SFI1: variants seen among roughly 807,000 people sequenced by gnomAD.
SFI1 encodes protein SFI1 homolog.
SFI1 carries 195 observed loss-of-function variants against 207.5 expected under a neutral mutation model. The observed-to-expected ratio is 0.94, with a 90% CI of 0.84 to 1.06. The LOEUF (loss-of-function observed/expected upper bound fraction) is 1.06. Ranked by LOEUF, SFI1 falls within the 50% of genes least tolerant of loss-of-function variation. The pLI is 0.00. For synonymous variants in SFI1, 630 were observed against 598.9 expected (o/e 1.05, Z -0.76); for missense variants, 1,634 against 1,588.0 (o/e 1.03, Z -0.49).
At chr22:31,507,154 A>T (rs895995096) in intron 1 of SFI1, among the ~76,000 whole-genome samples, 1 of 152,230 alleles carries the variant, frequency 6.6e-6, no homozygotes, top group Non-Finnish European at 1.5e-5. Flanking sequence ...GCACAAAAAC[A>T]GAAACATAGA....
intron 7 of SFI1, among the ~76,000 whole-genome samples, chr22:31,557,770 T>A (rs1008691687): frequency 2.0e-5 from 3 of 152,180 alleles, no homozygotes; most frequent in Admixed American, 2.0e-4. Flanking sequence ...CAGGTTGTAA[T>A]TGGCAAAACT....
intron 4 of SFI1, among the ~76,000 whole-genome samples, chr22:31,535,397 T>G (rs964895741): frequency 2.0e-5 from 3 of 151,556 alleles, no homozygotes; most frequent in Admixed American, 2.0e-4. Flanking sequence ...ACCATGTTGA[T>G]CAGGCTGGTC....
chr22:31,506,366 AAAAAG>A (rs1236615953), intron 1 of SFI1, among the ~76,000 whole-genome samples: 10 of 152,132 alleles, frequency 6.6e-5, no homozygotes, highest in East Asian at 3.9e-4. Context: ...TGTCTTTAAA[AAAAAG>A]AAAAGAAAGA....
chr22:31,543,809 C>CA (rs59076091), intron 4 of SFI1, among the ~76,000 whole-genome samples: 1,670 of 56,210 alleles, frequency 0.03, 36 homozygotes, highest in African/African-American at 0.084. Context: ...GACTCCATCT[C>CA]AAAAAAAAAA....
chr22:31,567,592 T>C (rs2062455501), intron 8 of SFI1, among the ~76,000 whole-genome samples: 1 of 151,996 alleles, frequency 6.6e-6, no homozygotes, highest in Non-Finnish European at 1.5e-5. Context: ...TGTGTCTGTT[T>C]GCTTATATTT....
chr22:31,563,272 C>T (rs923866871), intron 8 of SFI1, among the ~76,000 whole-genome samples: 1 of 151,844 alleles, frequency 6.6e-6, no homozygotes, highest in African/African-American at 2.4e-5. Context: ...GGATTACAGG[C>T]GTGAACCACC....
At chr22:31,540,783 T>C (rs1286741118) in intron 4 of SFI1, among the ~76,000 whole-genome samples, 1 of 151,296 alleles carries the variant, frequency 6.6e-6, no homozygotes, top group Non-Finnish European at 1.5e-5. Context: ...GGTCTCGCCA[T>C]GTTGGCCAGG....
At chr22:31,603,115 C>G (rs183468282) in intron 17 of SFI1, among the ~76,000 whole-genome samples, 5 of 152,232 alleles carry the variant, frequency 3.3e-5, no homozygotes, top group Admixed American at 3.3e-4. Flanking sequence ...GCATGTAATC[C>G]CAGTTACTCA....
chr22:31,614,147 AT>A, intron 27 of SFI1: 1 of 433,080 alleles, frequency 2.3e-6, no homozygotes, highest in South Asian at 4.7e-5. Flanking sequence ...TGCTGACACG[AT>A]CTTTTCCGGA....
chr22:31,509,194 A>G (rs1181243202), intron 2 of SFI1, among the ~76,000 whole-genome samples: 2 of 152,206 alleles, frequency 1.3e-5, no homozygotes, highest in African/African-American at 4.8e-5. Flanking sequence ...CTAGAGGAAC[A>G]GAACTAATAG....
chr22:31,589,652 C>A, intron 15 of SFI1, 75 bp downstream of exon 15: 1 of 1,490,730 alleles, frequency 6.7e-7, no homozygotes, highest in Non-Finnish European at 9.0e-7. Context: ...AGCCCATTTG[C>A]TGTGCTTTTC....
At chr22:31,518,913 T>C (rs2056864919) in intron 2 of SFI1, among the ~76,000 whole-genome samples, 1 of 151,088 alleles carries the variant, frequency 6.6e-6, no homozygotes, top group Non-Finnish European at 1.5e-5. Context: ...TCACGTGTTA[T>C]CACAATTCAT....
chr22:31,540,189 G>T (rs2059344572), intron 4 of SFI1, among the ~76,000 whole-genome samples: 1 of 142,756 alleles, frequency 7.0e-6, no homozygotes, highest in Non-Finnish European at 1.5e-5. Flanking sequence ...CTGGCACGGG[G>T]TGGGGGGGTG....
intron 15 of SFI1, among the ~76,000 whole-genome samples, chr22:31,591,430 C>T (rs929360134): frequency 6.6e-6 from 1 of 152,226 alleles, no homozygotes; most frequent in South Asian, 2.1e-4. Context: ...CCCGCCCTTC[C>T]ATTCCACAAA....
chr22:31,535,410 G>C (rs144754738), intron 4 of SFI1, among the ~76,000 whole-genome samples: 1,755 of 151,506 alleles, frequency 0.012, 10 homozygotes, highest in Middle Eastern at 0.031. Context: ...GGCTGGTCTC[G>C]AACTCCTGAC....
rs192271985 is a variant in SFI1 at position 31,611,137 on chromosome 22, C to A, written c.2255-6C>A. On this transcript the variant is annotated splice_polypyrimidine_tract_variant and splice_region_variant and intron_variant, in intron 22 of 32. Coordinates refer to ENST00000400288, the MANE Select transcript of SFI1 (RefSeq NM_001007467.3). ...AACAGCAAACTCTGACTTGGATCTG[C>A]CTTAGGCTGTCTGCGGACCTGGTTT... 3,198 of 1,614,166 alleles carry A rather than the reference C, an allele frequency of 2.0e-3. 7 individuals are homozygous for A. Among genetic ancestry groups the A allele is most frequent in the Non-Finnish European group, 2.6e-3 (3,030 of 1,180,042 alleles).
intron 2 of SFI1, among the ~76,000 whole-genome samples, chr22:31,525,822 G>T (rs1280700496): frequency 1.3e-5 from 2 of 152,162 alleles, no homozygotes; most frequent in Non-Finnish European, 2.9e-5. Context: ...CTATGTGTCT[G>T]TTTTTATGCC....
At chr22:31,555,034 T>C (rs1025153238) in intron 6 of SFI1, among the ~76,000 whole-genome samples, 1 of 152,222 alleles carries the variant, frequency 6.6e-6, no homozygotes, top group African/African-American at 2.4e-5. Flanking sequence ...AGACTTAGTA[T>C]GATTTCAGTT....
At chr22:31,588,158 G>A (rs1243248273) in intron 14 of SFI1, among the ~76,000 whole-genome samples, 1 of 152,184 alleles carries the variant, frequency 6.6e-6, no homozygotes, top group Non-Finnish European at 1.5e-5. Flanking sequence ...ATGGCAAGGG[G>A]TTAGAATTAT....
Sources: allele counts gnomAD v4.1 joint callset (sites outside exome capture counted in the v4.1 genomes callset), GRCh38; gene constraint gnomAD v4.1.1; transcripts MANE v1.5; gene names NCBI Gene and HGNC (gene_info 2026-07-23, HGNC 2026-07-21).